The following FAM135B variants were observed in gnomAD, a reference collection of about 807,000 sequenced individuals.
The protein encoded by FAM135B is protein FAM135B.
Under a neutral mutation model 127.7 loss-of-function variants are expected in FAM135B, and 43 were observed. The ratio of observed to expected loss-of-function variants is 0.34; its 90% CI spans 0.26 to 0.43. The LOEUF (loss-of-function observed/expected upper bound fraction) is 0.43, where lower values mean the gene tolerates loss of function less well. FAM135B is among the 20% of genes least tolerant of loss of function. FAM135B has a pLI of 1.00. For missense variants in FAM135B, 1,558 were observed against 1,725.6 expected (o/e 0.90, Z 1.72); for synonymous variants, 670 against 665.1 (o/e 1.01, Z -0.11).
Position 138,310,720 on chromosome 8 carries a change from C to A in FAM135B, c.157+121G>T, listed in dbSNP as rs746176632. ...TCCATTTCCAAAATTCGCCATCCAACATTCACCACAGATTGACTGAGTATG... is the reference window on the plus strand; with the variant it reads ...TCCATTTCCAAAATTCGCCATCCAAAATTCACCACAGATTGACTGAGTATG... On this transcript the variant is annotated intron_variant, in intron 3 of 19. Coordinates refer to ENST00000395297, the MANE Select transcript of FAM135B (RefSeq NM_015912.4). 2.3e-5 allele frequency: 19 copies of A among 839,836 alleles called. No individual in the cohort carries two copies. In the South Asian group the frequency reaches 3.8e-4, roughly 17 times the overall value. 52.0% of individuals were successfully genotyped at this position (839,836 alleles called of 1,614,324 possible). A position where few individuals can be genotyped will look rare whatever the true frequency, so the allele number is the denominator to read the frequency against.
intron 1 of FAM135B, among the ~76,000 whole-genome samples, chr8:138,462,901 C>G (rs1244834961): frequency 6.6e-6 from 1 of 152,214 alleles, no homozygotes; most frequent in Non-Finnish European, 1.5e-5. Context: ...TCTGATGTTT[C>G]TGAGTGGTCA....
intron 2 of FAM135B, chr8:138,367,447 A>C (rs1404826015): frequency 2.2e-6 from 1 of 456,812 alleles, no homozygotes; most frequent in South Asian, 1.6e-5. Flanking sequence ...CAGTTATATG[A>C]ATTGATGTTT....
chr8:138,442,046 T>C (rs1481894341), intron 1 of FAM135B, among the ~76,000 whole-genome samples: 6 of 151,686 alleles, frequency 4.0e-5, no homozygotes, highest in African/African-American at 1.5e-4. Context: ...TAAGTCCTTA[T>C]GCAGCAGGCA....
In FAM135B at chr8:138,244,298, G is replaced by A. The variant is rs922117928; in HGVS notation, c.543-1230C>T. 2.1e-5 allele frequency among the ~76,000 whole-genome samples: 3 copies of A among 145,582 alleles called. No homozygotes were observed. The South Asian group carries it at 6.7e-4, about 33-fold the overall frequency. On this transcript the variant is annotated intron_variant, in intron 6 of 19. Transcript: ENST00000395297. The stretch of plus-strand genomic sequence containing the variant: ...CAGGAGAGCAATTTATGATGCAAAC[G>A]AGGTGAAAAGAATGTGTCCAGAGAT...
rs2130491817 is a variant in FAM135B at position 138,132,832 on chromosome 8, G to A, written c.4016-34C>T. On this transcript the variant is annotated intron_variant, in intron 19 of 19. Coordinates refer to ENST00000395297, the MANE Select transcript of FAM135B (RefSeq NM_015912.4). The surrounding 1 kb of genome is among the most constrained non-coding windows in gnomAD (Gnocchi z 4.5). ...TGGGGAAGAAGGACATGAAGCTGGT[G>A]CAGAAATTAGCAGTGGAATCTAGAG... 6.3e-7 allele frequency: 1 copy of A among 1,579,162 alleles called. No homozygotes were observed. The highest frequency in any genetic ancestry group is 1.1e-5 in the South Asian group (1 of 90,216).
chr8:138,172,840 C>T (rs998609602), intron 11 of FAM135B, among the ~76,000 whole-genome samples: 28 of 152,198 alleles, frequency 1.8e-4, no homozygotes, highest in African/African-American at 6.3e-4. Flanking sequence ...CTGAACTCTG[C>T]CTTTGCCTTT....
intron 2 of FAM135B, among the ~76,000 whole-genome samples, chr8:138,335,713 C>T (rs1828527236): frequency 6.6e-6 from 1 of 152,188 alleles, no homozygotes; most frequent in South Asian, 2.1e-4. Context: ...AGAAAGTTAA[C>T]AAGGATATCC....
intron 1 of FAM135B, among the ~76,000 whole-genome samples, chr8:138,484,954 T>A (rs181905330): frequency 1.3e-5 from 2 of 152,174 alleles, no homozygotes; most frequent in Non-Finnish European, 2.9e-5. Context: ...ATTCAGTGCA[T>A]TTTATATTCT....
rs192128982 is a variant in FAM135B at position 138,287,545 on chromosome 8, C to G, written c.158-21703G>C. ...TAGAGAAACCTTTCACATGTTTTCA[C>G]AAAGAGGCATGGACAGAAATGGTTA... is the stretch of plus-strand genomic sequence containing the variant. On this transcript the variant is annotated intron_variant, in intron 3 of 19. Transcript: ENST00000395297. Among the ~76,000 whole-genome samples, 1,479 of 149,026 alleles carry G rather than the reference C, an allele frequency of 9.9e-3. 9 individuals carry two copies. The highest frequency in any genetic ancestry group is 0.014 in the Admixed American group (205 of 14,720).
chr8:138,465,359 T>A (rs1837330381), intron 1 of FAM135B, among the ~76,000 whole-genome samples: 1 of 152,182 alleles, frequency 6.6e-6, no homozygotes. Context: ...ATATCCCCAA[T>A]TTACAGATGG....
At chr8:138,426,339 G>C (rs1411891703) in intron 1 of FAM135B, among the ~76,000 whole-genome samples, 1 of 151,454 alleles carries the variant, frequency 6.6e-6, no homozygotes, top group Non-Finnish European at 1.5e-5. Flanking sequence ...TGTGGATGTG[G>C]ATGTGAAATG....
intron 14 of FAM135B, 52 bp from the exon 15 acceptor site, chr8:138,146,102 G>T (rs1368003456): frequency 2.2e-6 from 2 of 896,300 alleles, no homozygotes; most frequent in Non-Finnish European, 3.6e-6. Context: ...TCATATAAAA[G>T]GTTGACACAC....
At chr8:138,385,528 G>A (rs1832144446) in intron 1 of FAM135B, among the ~76,000 whole-genome samples, 2 of 152,258 alleles carry the variant, frequency 1.3e-5, no homozygotes, top group Admixed American at 1.3e-4. Flanking sequence ...AAAGCAAAAG[G>A]GGCCTGGCGA....
rs138869629 is a variant in FAM135B, at chr8:138,293,447, C to G, written c.157+17394G>C. Among the ~76,000 whole-genome samples, 144 of 152,148 alleles carry G rather than the reference C, an allele frequency of 9.5e-4. 1 individual carries two copies. In the East Asian group the frequency reaches 0.026, roughly 28 times the overall value. ...GCTTCTGTACAACAAAATAAATAAC[C>G]ATCAAAGTAAACAGACAACTTACAG... On this transcript the variant is annotated intron_variant, in intron 3 of 19. Transcript: ENST00000395297.
At chr8:138,171,831 G>A (rs1820479580) in intron 11 of FAM135B, among the ~76,000 whole-genome samples, 1 of 152,170 alleles carries the variant, frequency 6.6e-6, no homozygotes, top group Non-Finnish European at 1.5e-5. Flanking sequence ...TACATGTGTG[G>A]TGTATGCAGG....
intron 7 of FAM135B, among the ~76,000 whole-genome samples, chr8:138,220,331 C>T (rs1283771012): frequency 2.6e-5 from 4 of 152,152 alleles, no homozygotes; most frequent in Non-Finnish European, 5.9e-5. Context: ...TAATCAGCAG[C>T]TGAAGTACCA....
intron 9 of FAM135B, among the ~76,000 whole-genome samples, chr8:138,192,108 T>C (rs1204694220): frequency 6.6e-6 from 1 of 152,190 alleles, no homozygotes; most frequent in East Asian, 1.9e-4. Context: ...AATTGTTTTA[T>C]CAATTGCATG....
intron 12 of FAM135B, among the ~76,000 whole-genome samples, chr8:138,166,782 G>A (rs1819964981): frequency 6.6e-6 from 1 of 152,168 alleles, no homozygotes; most frequent in Non-Finnish European, 1.5e-5. Flanking sequence ...GACGGCAGTT[G>A]TAGTGGTGGT....
At position 138,146,108 on chromosome 8, in the gene FAM135B, C is replaced by T. The variant is rs148688897; in HGVS notation, c.3449-58G>A. On this transcript the variant is annotated intron_variant, in intron 14 of 19. Coordinates refer to ENST00000395297, the MANE Select transcript of FAM135B (RefSeq NM_015912.4). ...CGTAGTTAGTCATATAAAAGGTTGA[C>T]ACACGAGGAATTTCTTTCTCTCTCC... The T allele has an allele frequency of 1.9e-4, 158 of 848,822 alleles. No individual in the cohort carries two copies. In the African/African-American group the frequency reaches 2.6e-3, roughly 14 times the overall value. 52.6% of individuals were successfully genotyped at this position (848,822 alleles called of 1,614,324 possible). A position where few individuals can be genotyped will look rare whatever the true frequency, so the allele number is the denominator to read the frequency against.
Sources: gnomAD v4.1 joint callset for allele counts (sites outside exome capture counted in the v4.1 genomes callset) on GRCh38, gnomAD v4.1.1 for gene constraint, Gnocchi (gnomAD v3.1) non-coding constraint, MANE v1.5 for transcripts, NCBI Gene and HGNC (gene_info 2026-07-23, HGNC 2026-07-21) for gene names.